The following TG variants were observed in gnomAD, a reference collection of about 807,000 sequenced individuals.
The protein encoded by TG is thyroid hormones.
In TG, 270 loss-of-function variants were observed where a neutral mutation model predicts 324.7. That is an observed-to-expected ratio of 0.83 (90% CI 0.75 to 0.92). The LOEUF (loss-of-function observed/expected upper bound fraction) is 0.92. TG is among the 40% of genes least tolerant of loss of function. The probability of loss-of-function intolerance (pLI) is 0.00; values close to 1 mark genes in which losing one functional copy is unlikely to be tolerated. For missense variants in TG, 3,591 were observed against 3,456.4 expected, an observed-to-expected ratio of 1.04 and a Z score of -0.98; for synonymous variants, 1,401 against 1,327.0, an observed-to-expected ratio of 1.06 and a Z score of -1.21.
chr8:133,077,785 G>A (rs1029176153), intron 41 of TG, among the ~76,000 whole-genome samples: 22 of 152,000 alleles, frequency 1.4e-4, no homozygotes, highest in East Asian at 7.7e-4. Flanking sequence ...GTGTGTGTGC[G>A]GCAGAGTTGC....
rs543815712 is a variant in TG at position 133,121,847 on chromosome 8, C to T, written c.7862+5131C>T. On this transcript the variant is annotated intron_variant, in intron 45 of 47. Transcript: ENST00000220616. ...TGTAGATGTCTCCTCTCTCCATCAC[C>T]ATCACATATGGTGCCATCTATGTAG... Among the ~76,000 whole-genome samples the T allele has an allele frequency of 2.9e-3, 422 of 147,336 alleles. 2 individuals are homozygous for T. Among genetic ancestry groups the T allele is most frequent in the African/African-American group, 0.01 (407 of 39,800 alleles).
intron 25 of TG, among the ~76,000 whole-genome samples, chr8:132,938,875 AC>A (rs765251823): frequency 8.6e-5 from 13 of 151,994 alleles, no homozygotes; most frequent in Non-Finnish European, 1.5e-4. Context: ...ACACAGTGAA[AC>A]CCTGTCTCTA....
At chr8:133,094,490 T>TTAAAAA in intron 41 of TG, 1 of 179,976 alleles carries the variant, frequency 5.6e-6, no homozygotes, top group Admixed American at 5.4e-5. Flanking sequence ...TCCGCCCACC[T>TTAAAAA]CAGCCTCCCA....
chr8:133,121,338 G>A (rs3779949), intron 45 of TG, among the ~76,000 whole-genome samples: 38,370 of 151,914 alleles, frequency 0.25, 5,372 homozygotes, highest in African/African-American at 0.36. Flanking sequence ...TTGAGGAGGG[G>A]GCAGGTCTGA....
At chr8:133,129,840 A>T (rs1303826198) in intron 45 of TG, among the ~76,000 whole-genome samples, 1 of 152,134 alleles carries the variant, frequency 6.6e-6, no homozygotes, top group Non-Finnish European at 1.5e-5. Flanking sequence ...GTGATGGAGG[A>T]TATGAAACAT....
intron 41 of TG, among the ~76,000 whole-genome samples, chr8:133,084,735 A>G (rs1846264702): frequency 6.6e-6 from 1 of 152,220 alleles, no homozygotes; most frequent in South Asian, 2.1e-4. Flanking sequence ...TGCCCGGGAG[A>G]GACCCCTTAG....
chr8:133,031,662 G>A (rs1193598479), intron 41 of TG, among the ~76,000 whole-genome samples: 1 of 152,200 alleles, frequency 6.6e-6, no homozygotes, highest in Non-Finnish European at 1.5e-5. Flanking sequence ...GGTAGGAGAA[G>A]TGTCATTGTT....
intron 37 of TG, among the ~76,000 whole-genome samples, chr8:133,015,958 C>T (rs1034275073): frequency 1.8e-4 from 27 of 152,138 alleles, no homozygotes; most frequent in African/African-American, 6.3e-4. Context: ...TGTGTCCCCC[C>T]ACCCCTGCCA....
chr8:133,100,473 A>C (rs1011106945), intron 43 of TG, among the ~76,000 whole-genome samples: 1 of 152,240 alleles, frequency 6.6e-6, no homozygotes, highest in Non-Finnish European at 1.5e-5. Flanking sequence ...GGCACACAAT[A>C]GACATTCACT....
intron 3 of TG, 40 bp from the exon 4 acceptor site, chr8:132,871,308 T>G (rs1367037259): frequency 6.2e-7 from 1 of 1,607,700 alleles, no homozygotes; most frequent in African/African-American, 1.3e-5. Flanking sequence ...CCTGGAAATT[T>G]CCCTGCAGTT....
At chr8:132,877,927 T>A (rs1255459864) in intron 5 of TG, among the ~76,000 whole-genome samples, 1 of 151,810 alleles carries the variant, frequency 6.6e-6, no homozygotes, top group Admixed American at 6.6e-5. Context: ...TTTGTCTTCC[T>A]CCTTTCTTCT....
At chr8:133,056,825 G>A (rs997431446) in intron 41 of TG, among the ~76,000 whole-genome samples, 1 of 152,218 alleles carries the variant, frequency 6.6e-6, no homozygotes, top group Non-Finnish European at 1.5e-5. Flanking sequence ...TTGTGTGTCA[G>A]TGCAGGGGCA....
chr8:132,943,833 C>G (rs926091195), intron 26 of TG, among the ~76,000 whole-genome samples: 40 of 152,164 alleles, frequency 2.6e-4, no homozygotes, highest in African/African-American at 9.4e-4. Context: ...TTCCTGCTGT[C>G]CAGTTATTTC....
chr8:133,109,952 G>T (rs567328747), intron 43 of TG, among the ~76,000 whole-genome samples: 1 of 152,128 alleles, frequency 6.6e-6, no homozygotes, highest in African/African-American at 2.4e-5. Flanking sequence ...CTCATGTTAT[G>T]TATGAGAAAA....
chr8:132,898,297 C>A, intron 13 of TG, 51 bp downstream of exon 13: 1 of 1,520,730 alleles, frequency 6.6e-7, no homozygotes, highest in Non-Finnish European at 8.9e-7. Context: ...GTGGGCATCA[C>A]TGGTCTAGTC....
chr8:132,927,767 A>G (rs762689953), intron 22 of TG, among the ~76,000 whole-genome samples: 3 of 152,254 alleles, frequency 2.0e-5, no homozygotes, highest in Non-Finnish European at 2.9e-5. Context: ...AATTGTATTT[A>G]GTCTCCTAGA....
rs1323214709 is a variant in TG, at chr8:133,134,321, T to A, written c.8189-355T>A. ...TAGGAAGGGTCCCCAGGAGAGGTGATGCTGGGCTGTGGTTTTTAGAATGAC... is the reference window on the plus strand; with the variant it reads ...TAGGAAGGGTCCCCAGGAGAGGTGAAGCTGGGCTGTGGTTTTTAGAATGAC... On this transcript the variant is annotated intron_variant, in intron 47 of 47. Transcript: ENST00000220616. Among the ~76,000 whole-genome samples, 5 of 152,242 alleles carry A rather than the reference T, an allele frequency of 3.3e-5. No individual in the cohort carries two copies. The South Asian group carries it at 1.0e-3, about 32-fold the overall frequency.
chr8:132,897,802 C>T lies in TG; in HGVS notation c.3139+16C>T, dbSNP rs375622559. The T allele has an allele frequency of 1.3e-5, 21 of 1,613,870 alleles. No individual in the cohort carries two copies. The highest frequency in any genetic ancestry group is 1.2e-4 in the South Asian group (11 of 91,074). ...GCTGGGACTGGTAAGGAGGGATAGGCACCTTCAGGTGGCCAAGTGACACCC... is the reference window on the plus strand; with the variant it reads ...GCTGGGACTGGTAAGGAGGGATAGGTACCTTCAGGTGGCCAAGTGACACCC... On this transcript the variant is annotated intron_variant, in intron 12 of 47. Coordinates refer to ENST00000220616, the MANE Select transcript of TG (RefSeq NM_003235.5).
chr8:133,013,653 G>T lies in TG; in HGVS notation c.6451G>T (p.Ala2151Ser), dbSNP rs754051778. The T allele has an allele frequency of 1.9e-6, 3 of 1,614,194 alleles. No individual in the cohort carries two copies. The highest frequency in any genetic ancestry group is 1.1e-5 in the South Asian group (1 of 91,088). The change falls in exon 37 of 48, where the codon GCT becomes TCT. Residue 2151 changes from alanine (A) to serine (S), a missense_variant. Transcript: ENST00000220616. ...LITTLQTQPG[A>S]VRCMFYADTQ... Reference sequence around the variant, plus strand: ...CACCACTCTGCAAACCCAACCTGGGGCTGTGAGATGTATGTTCTATGCTGA... The same window carrying T: ...CACCACTCTGCAAACCCAACCTGGGTCTGTGAGATGTATGTTCTATGCTGA...
Sources: allele counts gnomAD v4.1 joint callset (sites outside exome capture counted in the v4.1 genomes callset), GRCh38; gene constraint gnomAD v4.1.1; transcripts MANE v1.5; gene names NCBI Gene and HGNC (gene_info 2026-07-23, HGNC 2026-07-21).